Variants in VAT1L observed in about 807,000 individuals in gnomAD.
VAT1L encodes putative NADPH-dependent quinone oxidoreductase VAT1L.
A neutral mutation model predicts 44.1 loss-of-function variants in VAT1L; 34 were observed. The observed-to-expected ratio is 0.77, with a 90% CI of 0.59 to 1.03. The LOEUF (loss-of-function observed/expected upper bound fraction) is 1.03. Among genes scored for constraint, VAT1L ranks in the 50% least tolerant of loss-of-function variants. The pLI is 0.00. For missense variants in VAT1L, 615 were observed against 538.8 expected, an observed-to-expected ratio of 1.14 and a Z score of -1.40; for synonymous variants, 253 against 202.2, an observed-to-expected ratio of 1.25 and a Z score of -2.13.
intron 7 of VAT1L, among the ~76,000 whole-genome samples, chr16:77,936,979 G>A (rs2017807052): frequency 6.6e-6 from 1 of 152,170 alleles, no homozygotes; most frequent in African/African-American, 2.4e-5. Context: ...CCACCTACCG[G>A]GTTCAAGCAA....
intron 3 of VAT1L, among the ~76,000 whole-genome samples, chr16:77,849,433 C>G (rs2016787322): frequency 6.6e-6 from 1 of 152,162 alleles, no homozygotes; most frequent in Non-Finnish European, 1.5e-5. Flanking sequence ...TGGCTGTGTA[C>G]CAGGGGCTCC....
At chr16:77,917,589 C>G (rs191258809) in intron 7 of VAT1L, among the ~76,000 whole-genome samples, 1 of 152,104 alleles carries the variant, frequency 6.6e-6, no homozygotes, top group South Asian at 2.1e-4. Context: ...TTGTTTGTAG[C>G]TGCCATTAAT....
intron 3 of VAT1L, among the ~76,000 whole-genome samples, chr16:77,827,772 CTCTT>C (rs2016539869): frequency 6.6e-6 from 1 of 152,146 alleles, no homozygotes; most frequent in East Asian, 1.9e-4. Context: ...GACCAGAGGA[CTCTT>C]TCTTTCTCTG....
intron 7 of VAT1L, among the ~76,000 whole-genome samples, chr16:77,937,214 A>G (rs1029706282): frequency 6.6e-6 from 1 of 152,158 alleles, no homozygotes; most frequent in Non-Finnish European, 1.5e-5. Context: ...ACCTGGGAGT[A>G]GCCCCAGCCT....
intron 2 of VAT1L, among the ~76,000 whole-genome samples, chr16:77,822,535 G>A (rs1297254763): frequency 6.6e-6 from 1 of 152,170 alleles, no homozygotes; most frequent in Non-Finnish European, 1.5e-5. Context: ...GGGCTTGGAG[G>A]AGGGGAGAGA....
At chr16:77,875,649 A>G (rs967184435) in intron 4 of VAT1L, among the ~76,000 whole-genome samples, 1 of 152,238 alleles carries the variant, frequency 6.6e-6, no homozygotes, top group African/African-American at 2.4e-5. Flanking sequence ...GAAGAGATCA[A>G]CAAATGCTTT....
At chr16:77,936,926 C>G (rs2017806038) in intron 7 of VAT1L, among the ~76,000 whole-genome samples, 1 of 152,146 alleles carries the variant, frequency 6.6e-6, no homozygotes, top group Non-Finnish European at 1.5e-5. Flanking sequence ...CGCTCTGCCA[C>G]CAGGCTGGAG....
intron 1 of VAT1L, among the ~76,000 whole-genome samples, chr16:77,789,787 G>T (rs1348825168): frequency 2.0e-5 from 3 of 151,600 alleles, no homozygotes; most frequent in Admixed American, 6.6e-5. Context: ...CATTCCCCCT[G>T]GGGGAACTTC....
At chr16:77,791,605 T>C (rs2015836900) in intron 1 of VAT1L, among the ~76,000 whole-genome samples, 1 of 152,252 alleles carries the variant, frequency 6.6e-6, no homozygotes, top group African/African-American at 2.4e-5. Flanking sequence ...GCTATTTTCC[T>C]TTTATTCCAT....
intron 5 of VAT1L, among the ~76,000 whole-genome samples, chr16:77,878,585 A>G (rs1051417155): frequency 2.0e-5 from 3 of 151,970 alleles, no homozygotes; most frequent in Admixed American, 6.5e-5. Context: ...GGCAAAACTC[A>G]GTTTCTCATA....
Position 77,788,703 on chromosome 16 carries a change from G to T in VAT1L, c.21G>T (p.Glu7Asp). 3 of 1,552,696 alleles carry T rather than the reference G, an allele frequency of 1.9e-6. No individual in the cohort carries two copies. The highest frequency in any genetic ancestry group is 2.6e-6 in the Non-Finnish European group (3 of 1,147,774). Residue 7 changes from glutamate (E) to aspartate (D), a missense_variant, in exon 1 of 9, where the codon GAG becomes GAT. By Grantham distance (45) the Glu-to-Asp change is conservative (BLOSUM62 2). Transcript: ENST00000302536. Reference sequence around the variant, plus strand: ...GCGCCATGGCCAAGGAAGGCGTGGAGAAGGCGGAGGAGACGGAGCAAATGA... The same window carrying T: ...GCGCCATGGCCAAGGAAGGCGTGGATAAGGCGGAGGAGACGGAGCAAATGA... MAKEGV[E>D]KAEETEQMIE...
chr16:77,959,757 C>G (rs769843788), intron 7 of VAT1L, among the ~76,000 whole-genome samples: 1 of 152,182 alleles, frequency 6.6e-6, no homozygotes, highest in East Asian at 1.9e-4. Context: ...ATTATTAACC[C>G]TCGTGGCCCA....
intron 7 of VAT1L, among the ~76,000 whole-genome samples, chr16:77,891,650 G>A (rs963810895): frequency 1.3e-5 from 2 of 152,188 alleles, no homozygotes; most frequent in East Asian, 1.9e-4. Context: ...TTAGATTTGT[G>A]TTTTTCATTC....
At chr16:77,870,311 G>A (rs910473693) in intron 4 of VAT1L, among the ~76,000 whole-genome samples, 2 of 152,214 alleles carry the variant, frequency 1.3e-5, no homozygotes, top group African/African-American at 4.8e-5. Flanking sequence ...GTCTCATCCT[G>A]TGATGGTTAA....
intron 1 of VAT1L, among the ~76,000 whole-genome samples, chr16:77,790,159 G>T (rs2015807392): frequency 6.6e-6 from 1 of 152,106 alleles, no homozygotes; most frequent in East Asian, 1.9e-4. Context: ...AGGTTTCATC[G>T]GCCAGATTAG....
At chr16:77,957,624 C>G (rs562447718) in intron 7 of VAT1L, among the ~76,000 whole-genome samples, 5 of 151,980 alleles carry the variant, frequency 3.3e-5, no homozygotes, top group Non-Finnish European at 4.4e-5. Context: ...ACTCGGGAGG[C>G]TGAGGCAGGA....
At chr16:77,939,114 C>T (rs1394184622) in intron 7 of VAT1L, among the ~76,000 whole-genome samples, 1 of 152,206 alleles carries the variant, frequency 6.6e-6, no homozygotes, top group Non-Finnish European at 1.5e-5. Flanking sequence ...ACTCCACCCA[C>T]AGTGCACGGA....
At chr16:77,945,896 G>A (rs1048351481) in intron 7 of VAT1L, among the ~76,000 whole-genome samples, 2 of 150,758 alleles carry the variant, frequency 1.3e-5, no homozygotes, top group African/African-American at 2.4e-5. Context: ...TCTGCTTCCC[G>A]GTTCAAGTGA....
At chr16:77,867,910 A>T (rs1276220541) in intron 4 of VAT1L, among the ~76,000 whole-genome samples, 1 of 151,838 alleles carries the variant, frequency 6.6e-6, no homozygotes, top group East Asian at 1.9e-4. Context: ...ATTTCAAAAC[A>T]TTGGGTGGGA....
Sources: allele counts gnomAD v4.1 joint callset (sites outside exome capture counted in the v4.1 genomes callset), GRCh38; gene constraint gnomAD v4.1.1; transcripts MANE v1.5; gene names NCBI Gene and HGNC (gene_info 2026-07-23, HGNC 2026-07-21).